Variants in COL26A1 observed in about 807,000 individuals in gnomAD.
The protein encoded by COL26A1 is collagen alpha-1(XXVI) chain.
COL26A1 carries 41 observed loss-of-function variants against 59.3 expected under a neutral mutation model. The observed-to-expected ratio is 0.69, with a 90% CI of 0.54 to 0.90. The LOEUF (loss-of-function observed/expected upper bound fraction) is 0.90, where lower values mean the gene tolerates loss of function less well. Ranked by LOEUF, COL26A1 falls within the 40% of genes least tolerant of loss-of-function variation. The pLI is 0.00. For synonymous variants in COL26A1, 266 were observed against 256.0 expected (o/e 1.04, Z -0.37); for missense variants, 612 against 602.3 (o/e 1.02, Z -0.17).
At chr7:101,387,008 G>A (rs1791592835) in intron 1 of COL26A1, among the ~76,000 whole-genome samples, 1 of 152,134 alleles carries the variant, frequency 6.6e-6, no homozygotes, top group Non-Finnish European at 1.5e-5. Flanking sequence ...CAGAGCCGGG[G>A]TAGGGTTACC....
At chr7:101,447,595 G>A in intron 2 of COL26A1, 89 bp from the exon 3 acceptor site, 1 of 923,086 alleles carries the variant, frequency 1.1e-6, no homozygotes, top group Non-Finnish European at 1.7e-6. Context: ...CCCTGGCTGG[G>A]CAAAACAGCC....
At chr7:101,542,791 C>G (rs1312011005) in intron 5 of COL26A1, among the ~76,000 whole-genome samples, 1 of 111,514 alleles carries the variant, frequency 9.0e-6, no homozygotes, top group East Asian at 2.0e-4. Context: ...CTCTCTCACT[C>G]TGGCCCCCGG....
At chr7:101,436,008 C>A (rs1329100936) in intron 2 of COL26A1, among the ~76,000 whole-genome samples, 1 of 152,226 alleles carries the variant, frequency 6.6e-6, no homozygotes, top group Non-Finnish European at 1.5e-5. Context: ...CATGCTCTTT[C>A]TTCCCTGCCT....
At chr7:101,474,483 T>C (rs1246967728) in intron 3 of COL26A1, among the ~76,000 whole-genome samples, 2 of 152,100 alleles carry the variant, frequency 1.3e-5, no homozygotes, top group East Asian at 3.9e-4. Flanking sequence ...ACTCAGCTAC[T>C]CAGGGGGCTG....
intron 3 of COL26A1, among the ~76,000 whole-genome samples, chr7:101,516,945 A>T (rs1424417820): frequency 1.3e-5 from 2 of 152,176 alleles, no homozygotes; most frequent in Non-Finnish European, 2.9e-5. Context: ...AGGCAAGTGG[A>T]AGAAAAAATT....
chr7:101,428,933 T>TTC (rs1792711183), intron 2 of COL26A1, among the ~76,000 whole-genome samples: 1 of 151,424 alleles, frequency 6.6e-6, no homozygotes, highest in Non-Finnish European at 1.5e-5. Context: ...TTTCTTTTTT[T>TTC]TTTTTTTCTT....
chr7:101,374,722 G>A (rs561215445), intron 1 of COL26A1, among the ~76,000 whole-genome samples: 2 of 152,242 alleles, frequency 1.3e-5, no homozygotes, highest in South Asian at 4.2e-4. Context: ...GTGAGTAGTA[G>A]GATTATTTCA....
intron 3 of COL26A1, among the ~76,000 whole-genome samples, chr7:101,471,567 GT>G (rs796287195): frequency 8.7e-4 from 98 of 112,302 alleles, no homozygotes; most frequent in Middle Eastern, 4.8e-3. Flanking sequence ...TGTTGTTGTT[GT>G]TTGTTTTTTT....
intron 1 of COL26A1, among the ~76,000 whole-genome samples, chr7:101,384,182 T>C (rs1584358009): frequency 6.6e-6 from 1 of 151,590 alleles, no homozygotes; most frequent in South Asian, 2.1e-4. Flanking sequence ...CTTGACTAAT[T>C]TTTAAATTAT....
rs544545965 is a variant in COL26A1 at position 101,414,383 on chromosome 7, T to C, written c.159-5594T>C. On this transcript the variant is annotated intron_variant, in intron 1 of 12. Coordinates refer to ENST00000313669, the MANE Select transcript of COL26A1 (RefSeq NM_001278563.3). ...TTAAACCATCCTGAGGAAAGTCACC[T>C]CTCTCTCTCTCTCTCTCTCTCTCGC... Among the ~76,000 whole-genome samples, 4 of 117,670 alleles carry C rather than the reference T, an allele frequency of 3.4e-5. No homozygotes were observed. In the South Asian group the frequency reaches 9.7e-4, roughly 29 times the overall value. The allele number at this position is 117,670 out of a possible 152,430, so 77.2% of individuals were successfully genotyped here. A position where few individuals can be genotyped will look rare whatever the true frequency, so the allele number is the denominator to read the frequency against.
At chr7:101,524,267 T>C (rs138989832) in intron 3 of COL26A1, among the ~76,000 whole-genome samples, 2,501 of 149,554 alleles carry the variant, frequency 0.017, 49 homozygotes, top group Non-Finnish European at 0.022. Flanking sequence ...TGAGACTCTG[T>C]CTCAAAGAAA....
intron 3 of COL26A1, among the ~76,000 whole-genome samples, chr7:101,513,334 T>A (rs1794965566): frequency 1.3e-5 from 2 of 150,538 alleles, no homozygotes; most frequent in African/African-American, 4.9e-5. Flanking sequence ...ATTTTTATTT[T>A]TATTTATTTA....
At chr7:101,495,580 AT>A (rs1794568071) in intron 3 of COL26A1, among the ~76,000 whole-genome samples, 1 of 151,018 alleles carries the variant, frequency 6.6e-6, no homozygotes, top group Non-Finnish European at 1.5e-5. Flanking sequence ...GGCTATTTTT[AT>A]TTTTTATTTT....
chr7:101,445,536 C>T (rs1174441809), intron 2 of COL26A1, among the ~76,000 whole-genome samples: 1 of 146,118 alleles, frequency 6.8e-6, no homozygotes. Context: ...TCGAGACCAT[C>T]CCGGCTAAAA....
chr7:101,498,293 C>T (rs1794631262), intron 3 of COL26A1, among the ~76,000 whole-genome samples: 1 of 152,144 alleles, frequency 6.6e-6, no homozygotes, highest in African/African-American at 2.4e-5. Context: ...TCAGTCCAAA[C>T]CAATGACCTC....
At chr7:101,417,024 G>A (rs1379271140) in intron 1 of COL26A1, among the ~76,000 whole-genome samples, 1 of 152,126 alleles carries the variant, frequency 6.6e-6, no homozygotes. Context: ...TTACGGGTGT[G>A]AGCCACCATG....
intron 9 of COL26A1, among the ~76,000 whole-genome samples, chr7:101,549,840 G>A (rs898933873): frequency 6.6e-6 from 1 of 152,230 alleles, no homozygotes; most frequent in Non-Finnish European, 1.5e-5. Flanking sequence ...TGTAGGCAGA[G>A]TTGGGCCAGG....
At chr7:101,455,114 C>T (rs1343423902) in intron 3 of COL26A1, among the ~76,000 whole-genome samples, 2 of 150,538 alleles carry the variant, frequency 1.3e-5, no homozygotes, top group African/African-American at 2.4e-5. Flanking sequence ...GCCATCTCCA[C>T]TCACTGCAAC....
rs796287195 is a variant in COL26A1 at position 101,471,567 on chromosome 7, G to GTTTTTT, written c.385+23783_385+23784insTTTTTT. On this transcript the variant is annotated intron_variant, in intron 3 of 12. Transcript: ENST00000313669. ...ATAATGTTTTGTTGTTGTTGTTGTT[G>GTTTTTT]TTTGTTTTTTTTTTTTTTTTTTTTT... is the stretch of plus-strand genomic sequence containing the variant. 4.5e-4 allele frequency among the ~76,000 whole-genome samples: 51 copies of GTTTTTT among 112,414 alleles called. 1 individual carries two copies. Among genetic ancestry groups the GTTTTTT allele is most frequent in the African/African-American group, 1.7e-3 (49 of 28,438 alleles). 73.7% of individuals were successfully genotyped at this position (112,414 alleles called of 152,430 possible).
Sources: allele counts gnomAD v4.1 joint callset (sites outside exome capture counted in the v4.1 genomes callset), GRCh38; gene constraint gnomAD v4.1.1; transcripts MANE v1.5; gene names NCBI Gene and HGNC (gene_info 2026-07-23, HGNC 2026-07-21).